Variants in MAGI2 observed in about 807,000 individuals in gnomAD.
The protein encoded by MAGI2 is membrane-associated guanylate kinase, WW and PDZ domain-containing protein 2.
MAGI2 carries 35 observed loss-of-function variants against 133.3 expected under a neutral mutation model. The observed-to-expected ratio is 0.26, with a 90% CI of 0.20 to 0.35. The LOEUF is 0.35. MAGI2 is among the 10% of genes least tolerant of loss of function. MAGI2 has a pLI of 1.00. For synonymous variants in MAGI2, 729 were observed against 710.6 expected, an observed-to-expected ratio of 1.03 and a Z score of -0.41; for missense variants, 1,636 against 1,863.4, an observed-to-expected ratio of 0.88 and a Z score of 2.25.
At position 78,019,945 on chromosome 7, in the gene MAGI2, G is replaced by C; in HGVS notation, c.3738C>G (p.Ala1246=). ...CTACTTCCGGCAGACCTGGGGCGGC[G>C]GCAGCGGGAGAACTCCAGGGGGCGG... ...DEPAPWSSPA[A]AAPGLPEVGV... The change falls in exon 22 of 22, where the codon GCC becomes GCG. Residue 1246 remains alanine, a synonymous_variant. Transcript: ENST00000354212. The C allele has an allele frequency of 6.2e-7, 1 of 1,608,444 alleles. No individual in the cohort carries two copies. The highest frequency in any genetic ancestry group is 8.5e-7 in the Non-Finnish European group (1 of 1,177,950).
chr7:79,131,889 T>A (rs12667504), intron 1 of MAGI2, among the ~76,000 whole-genome samples: 152,073 of 152,184 alleles, frequency 1, 75,981 homozygotes, highest in Middle Eastern at 1. Context: ...AATAAAAAAA[T>A]TGATTACAGG....
At chr7:78,636,372 A>T (rs1434871859) in intron 2 of MAGI2, among the ~76,000 whole-genome samples, 49 of 137,236 alleles carry the variant, frequency 3.6e-4, no homozygotes, top group South Asian at 2.3e-4. Flanking sequence ...TTTTTTTTGA[A>T]GAAGAAACCT....
chr7:79,129,813 A>C (rs1820750588), intron 1 of MAGI2, among the ~76,000 whole-genome samples: 1 of 152,208 alleles, frequency 6.6e-6, no homozygotes, highest in African/African-American at 2.4e-5. Context: ...AAGAGGTTTC[A>C]GAGCAAGAAG....
At chr7:79,001,655 G>T (rs1392790475) in intron 2 of MAGI2, among the ~76,000 whole-genome samples, 3 of 152,128 alleles carry the variant, frequency 2.0e-5, no homozygotes, top group Middle Eastern at 3.2e-3. Flanking sequence ...CAATCATTAT[G>T]CTCAGTAGCA....
chr7:78,369,279 T>C (rs908308106), intron 6 of MAGI2, 66 bp from the exon 7 acceptor site: 26 of 1,158,114 alleles, frequency 2.2e-5, no homozygotes, highest in Non-Finnish European at 3.3e-5. Flanking sequence ...AGTAATATAA[T>C]TTAATTGTTC....
At chr7:78,589,731 C>T (rs1032253931) in intron 3 of MAGI2, among the ~76,000 whole-genome samples, 1 of 152,120 alleles carries the variant, frequency 6.6e-6, no homozygotes, top group Non-Finnish European at 1.5e-5. Flanking sequence ...AGAAAGGGTA[C>T]ATGTCAAATT....
intron 2 of MAGI2, among the ~76,000 whole-genome samples, chr7:78,765,329 T>C (rs1483205305): frequency 6.7e-6 from 1 of 149,884 alleles, no homozygotes. Flanking sequence ...ATTTAACAAA[T>C]GTTTAGTGCA....
intron 1 of MAGI2, among the ~76,000 whole-genome samples, chr7:79,226,811 T>G (rs185769746): frequency 5.3e-4 from 80 of 152,278 alleles, no homozygotes; most frequent in African/African-American, 1.8e-3. Flanking sequence ...TTTAAAAGAT[T>G]ACTTGAAGAA....
intron 2 of MAGI2, among the ~76,000 whole-genome samples, chr7:78,925,133 C>A (rs1206560052): frequency 3.3e-5 from 5 of 151,986 alleles, no homozygotes; most frequent in Admixed American, 2.6e-4. Flanking sequence ...GCTGTGCTCC[C>A]TTTTACGCAT....
intron 21 of MAGI2, among the ~76,000 whole-genome samples, chr7:78,061,464 G>A (rs1230632237): frequency 6.6e-6 from 1 of 151,050 alleles, no homozygotes; most frequent in Admixed American, 6.6e-5. Flanking sequence ...ACACGAGTGG[G>A]GAAGCCAGCC....
At chr7:79,342,617 A>T (rs1840984494) in intron 1 of MAGI2, among the ~76,000 whole-genome samples, 1 of 152,218 alleles carries the variant, frequency 6.6e-6, no homozygotes, top group Admixed American at 6.5e-5. Context: ...AATTTAGTCA[A>T]TTCAGATAGT....
At chr7:78,321,482 T>C (rs887244890) in intron 9 of MAGI2, among the ~76,000 whole-genome samples, 4 of 152,160 alleles carry the variant, frequency 2.6e-5, no homozygotes, top group African/African-American at 4.8e-5. Context: ...TACAACCATC[T>C]GATCTTTGAC....
chr7:79,370,406 G>C (rs1842975353), intron 1 of MAGI2, among the ~76,000 whole-genome samples: 1 of 151,862 alleles, frequency 6.6e-6, no homozygotes, highest in Non-Finnish European at 1.5e-5. Context: ...ATACTGCTTT[G>C]GAAAGCATCT....
chr7:78,095,310 C>G (rs1817596178), intron 20 of MAGI2, among the ~76,000 whole-genome samples: 1 of 152,112 alleles, frequency 6.6e-6, no homozygotes. Context: ...GCCTCCTCCT[C>G]TTTCACTCAG....
intron 9 of MAGI2, among the ~76,000 whole-genome samples, chr7:78,335,557 G>T (rs1481751864): frequency 6.6e-6 from 1 of 152,080 alleles, no homozygotes; most frequent in Non-Finnish European, 1.5e-5. Flanking sequence ...GTAAAATAAA[G>T]GTATGTGAGA....
chr7:78,057,977 G>GTGTA (rs762943472), intron 21 of MAGI2, among the ~76,000 whole-genome samples: 2 of 106,612 alleles, frequency 1.9e-5, no homozygotes, highest in Non-Finnish European at 4.1e-5. Context: ...ATATATATGT[G>GTGTA]TATATATATA....
chr7:78,249,091 G>A (rs181984946), intron 10 of MAGI2, among the ~76,000 whole-genome samples: 84 of 152,100 alleles, frequency 5.5e-4, no homozygotes, highest in African/African-American at 1.9e-3. Flanking sequence ...ACATACGAAT[G>A]GCTAACAGTT....
At chr7:79,186,194 ATATATATATATATATATAT>A (rs1827083598) in intron 1 of MAGI2, among the ~76,000 whole-genome samples, 1 of 798 alleles carries the variant, frequency 1.3e-3, no homozygotes, top group African/African-American at 3.8e-3. Context: ...CTGGGAAAAT[ATATATATATATATATATAT>A]ATATATATAT....
intron 2 of MAGI2, among the ~76,000 whole-genome samples, chr7:78,786,630 G>C (rs6466383): frequency 6.6e-6 from 1 of 152,228 alleles, no homozygotes; most frequent in South Asian, 2.1e-4. Context: ...TGCCTAGAAC[G>C]GTCTTCTCTT....
Sources: gnomAD v4.1 joint callset for allele counts (sites outside exome capture counted in the v4.1 genomes callset) on GRCh38, gnomAD v4.1.1 for gene constraint, MANE v1.5 for transcripts, NCBI Gene and HGNC (gene_info 2026-07-23, HGNC 2026-07-21) for gene names.